The following CNTRL variants were observed in gnomAD, a reference collection of about 807,000 sequenced individuals.
CNTRL encodes the protein centriolin.
CNTRL carries 233 observed loss-of-function variants against 303.7 expected under a neutral mutation model. That is an observed-to-expected ratio of 0.77 (90% CI 0.69 to 0.86). The LOEUF (loss-of-function observed/expected upper bound fraction) is 0.86. Among genes scored for constraint, CNTRL ranks in the 40% least tolerant of loss-of-function variants. CNTRL has a pLI of 0.00. For synonymous variants in CNTRL, 900 were observed against 922.2 expected, an observed-to-expected ratio of 0.98 and a Z score of 0.44; for missense variants, 2,524 against 2,650.6, an observed-to-expected ratio of 0.95 and a Z score of 1.05.
intron 7 of CNTRL, among the ~76,000 whole-genome samples, chr9:121,104,024 G>A (rs552451958): frequency 6.6e-6 from 1 of 152,046 alleles, no homozygotes; most frequent in Non-Finnish European, 1.5e-5. Context: ...CCCATTACTG[G>A]GTATATACCC....
chr9:121,167,726 G>A lies in CNTRL; in HGVS notation c.5844+49G>A, dbSNP rs148038310. The A allele has an allele frequency of 6.9e-4, 1,049 of 1,518,124 alleles. 11 individuals carry two copies. In the African/African-American group the frequency reaches 0.013, roughly 19 times the overall value. The allele number at this position is 1,518,124 out of a possible 1,614,324, so 94.0% of individuals were successfully genotyped here. ...ATAAAAAAAGCATTTTGTGGCTCAT[G>A]TGAGCCTATTTTTCCCCTGGCAGAA... On this transcript the variant is annotated intron_variant, in intron 37 of 43. Transcript: ENST00000373855.
At chr9:121,164,920 G>A in intron 34 of CNTRL, 23 bp from the exon 35 acceptor site, 2 of 1,598,034 alleles carry the variant, frequency 1.3e-6, no homozygotes, top group Non-Finnish European at 1.7e-6. Context: ...ATATTTGACA[G>A]TCTGACTTAC....
intron 1 of CNTRL, among the ~76,000 whole-genome samples, chr9:121,078,826 A>T (rs1297726816): frequency 6.6e-6 from 1 of 152,232 alleles, no homozygotes; most frequent in Non-Finnish European, 1.5e-5. Flanking sequence ...AGGTGAAAAG[A>T]TGCATAGCGT....
intron 7 of CNTRL, among the ~76,000 whole-genome samples, chr9:121,105,260 G>T (rs1240429876): frequency 6.6e-6 from 1 of 152,208 alleles, no homozygotes; most frequent in African/African-American, 2.4e-5. Context: ...CATGCTGGAT[G>T]TGGAAATGAA....
chr9:121,142,823 T>TTAGCC (rs2051597159), intron 19 of CNTRL, among the ~76,000 whole-genome samples: 1 of 152,240 alleles, frequency 6.6e-6, no homozygotes, highest in African/African-American at 2.4e-5. Flanking sequence ...TTCCAGTTCA[T>TTAGCC]TAGCCTCACC....
chr9:121,088,017 G>A (rs906219766), intron 2 of CNTRL, among the ~76,000 whole-genome samples: 1 of 152,188 alleles, frequency 6.6e-6, no homozygotes, highest in African/African-American at 2.4e-5. Context: ...GTGGGTAAAA[G>A]GGGCCTTGGG....
At position 121,106,868 on chromosome 9, in the gene CNTRL, T is replaced by C. The variant is rs192875740; in HGVS notation, c.809-934T>C. Reference sequence around the variant, plus strand: ...ATTAATAATGCAAAGGAAAGTCATCTAGATAACTTTTGGGTGAAATGGTTA... The same window carrying C: ...ATTAATAATGCAAAGGAAAGTCATCCAGATAACTTTTGGGTGAAATGGTTA... On this transcript the variant is annotated intron_variant, in intron 7 of 43. Coordinates refer to ENST00000373855, the MANE Select transcript of CNTRL (RefSeq NM_007018.6). Among the ~76,000 whole-genome samples the C allele has an allele frequency of 5.9e-5, 9 of 152,304 alleles. No homozygotes were observed. In the East Asian group the frequency reaches 1.5e-3, roughly 26 times the overall value.
intron 35 of CNTRL, 50 bp downstream of exon 35, chr9:121,165,150 A>G (rs967210973): frequency 6.7e-7 from 1 of 1,488,444 alleles, no homozygotes; most frequent in African/African-American, 1.4e-5. Flanking sequence ...GCCCTTCGTT[A>G]GATTCTTTGA....
chr9:121,128,182 A>G (rs981267442), intron 14 of CNTRL, among the ~76,000 whole-genome samples: 2 of 152,180 alleles, frequency 1.3e-5, no homozygotes, highest in Non-Finnish European at 2.9e-5. Flanking sequence ...GCTGGGTCAA[A>G]TGGTATTTCT....
intron 16 of CNTRL, among the ~76,000 whole-genome samples, chr9:121,138,903 G>A (rs2051347550): frequency 6.6e-6 from 1 of 152,166 alleles, no homozygotes; most frequent in Admixed American, 6.6e-5. Context: ...ATGGTGCAAA[G>A]AGATAGAGGC....
chr9:121,112,134 T>C (rs959611990), intron 8 of CNTRL, among the ~76,000 whole-genome samples: 9 of 152,156 alleles, frequency 5.9e-5, no homozygotes, highest in Admixed American at 3.9e-4. Context: ...CAGGTATTTA[T>C]TAGGCCAGTT....
chr9:121,142,885 C>T (rs906938785), intron 19 of CNTRL, among the ~76,000 whole-genome samples: 4 of 152,068 alleles, frequency 2.6e-5, no homozygotes, highest in Admixed American at 1.3e-4. Flanking sequence ...ACTTGTCCAA[C>T]TTAAATTTTG....
chr9:121,142,811 G>C (rs1447286080), intron 19 of CNTRL, among the ~76,000 whole-genome samples: 6 of 152,072 alleles, frequency 3.9e-5, no homozygotes, highest in Admixed American at 2.6e-4. Context: ...GCCTTATTGA[G>C]CTTCCAGTTC....
chr9:121,136,688 A>G (rs1388383797), intron 15 of CNTRL, among the ~76,000 whole-genome samples: 3 of 152,176 alleles, frequency 2.0e-5, no homozygotes, highest in African/African-American at 7.2e-5. Flanking sequence ...ACTAGTTTAA[A>G]TTATACTTGC....
At chr9:121,132,099 T>C (rs1409060548) in intron 14 of CNTRL, among the ~76,000 whole-genome samples, 4 of 152,230 alleles carry the variant, frequency 2.6e-5, no homozygotes, top group Non-Finnish European at 4.4e-5. Context: ...AATCTGACAA[T>C]TATGTGTCTT....
At chr9:121,106,523 G>A (rs1003472808) in intron 7 of CNTRL, among the ~76,000 whole-genome samples, 1 of 152,040 alleles carries the variant, frequency 6.6e-6, no homozygotes, top group African/African-American at 2.4e-5. Flanking sequence ...TGTTGCTGTG[G>A]TGGTGGGAAA....
chr9:121,163,357 T>C (rs976445156), intron 34 of CNTRL, among the ~76,000 whole-genome samples: 7 of 149,174 alleles, frequency 4.7e-5, no homozygotes, highest in Non-Finnish European at 8.9e-5. Context: ...ATTTATTTTA[T>C]ATTTATATAT....
chr9:121,161,338 A>G (rs2052845997), intron 32 of CNTRL: 1 of 412,414 alleles, frequency 2.4e-6, no homozygotes, highest in Admixed American at 4.4e-5. Context: ...ATATTTAAAT[A>G]TCTGTATTTC....
chr9:121,114,887 A>G lies in CNTRL; in HGVS notation c.1346-204A>G, dbSNP rs569075436. Among the ~76,000 whole-genome samples the G allele has an allele frequency of 2.0e-5, 3 of 152,348 alleles. No individual in the cohort carries two copies. The South Asian group carries it at 6.2e-4, about 32-fold the overall frequency. Reference sequence around the variant, plus strand: ...AAAGGATCAATTATAGTTCTATACCATATAATGAAACAGTTTATTCTAGAG... The same window carrying G: ...AAAGGATCAATTATAGTTCTATACCGTATAATGAAACAGTTTATTCTAGAG... On this transcript the variant is annotated intron_variant, in intron 10 of 43. Transcript: ENST00000373855.
Sources: allele counts gnomAD v4.1 joint callset (sites outside exome capture counted in the v4.1 genomes callset), GRCh38; gene constraint gnomAD v4.1.1; transcripts MANE v1.5; gene names NCBI Gene and HGNC (gene_info 2026-07-23, HGNC 2026-07-21).